The following CDH6 variants were observed in gnomAD, a reference collection of about 807,000 sequenced individuals.
CDH6 encodes the protein cadherin-6.
CDH6 carries 31 observed loss-of-function variants against 78.0 expected under a neutral mutation model. The observed-to-expected ratio is 0.40, with a 90% CI of 0.30 to 0.54. CDH6 has a LOEUF of 0.54. Ranked by LOEUF, CDH6 falls within the 20% of genes least tolerant of loss-of-function variation. CDH6 has a pLI of 0.56. For synonymous variants in CDH6, 376 were observed against 368.8 expected (o/e 1.02, Z -0.23); for missense variants, 724 against 975.9 (o/e 0.74, Z 3.44).
At chr5:31,236,491 T>C (rs1741458158) in intron 1 of CDH6, among the ~76,000 whole-genome samples, 1 of 152,216 alleles carries the variant, frequency 6.6e-6, no homozygotes, top group Admixed American at 6.5e-5. Context: ...ATCGTCTTAG[T>C]TCCCCAAGGT....
intron 6 of CDH6, 150 bp downstream of exon 6, chr5:31,302,448 C>A: frequency 4.9e-6 from 3 of 607,768 alleles, no homozygotes; most frequent in Non-Finnish European, 8.2e-6. Flanking sequence ...TCTGGCCGGG[C>A]ATGGTGGCTC....
rs369328947 is a variant in CDH6, at chr5:31,195,000, T to C, written c.-129+1114T>C. ...CTGTCAGTGCAAAGGGCTGGCCACC[T>C]GAGTTAACTATGACTCAGAACATTC... On this transcript the variant is annotated intron_variant, in intron 1 of 11. Transcript: ENST00000265071. Among the ~76,000 whole-genome samples, 28 of 152,134 alleles carry C rather than the reference T, an allele frequency of 1.8e-4. No homozygotes were observed. The South Asian group carries it at 5.8e-3, about 32-fold the overall frequency.
chr5:31,215,129 CTT>C (rs1740828271), intron 1 of CDH6, among the ~76,000 whole-genome samples: 2 of 152,166 alleles, frequency 1.3e-5, no homozygotes, highest in Non-Finnish European at 2.9e-5. Flanking sequence ...CTTTCTGACA[CTT>C]TGTTTATTGA....
At chr5:31,226,199 G>A (rs1741146491) in intron 1 of CDH6, among the ~76,000 whole-genome samples, 1 of 152,062 alleles carries the variant, frequency 6.6e-6, no homozygotes, top group Middle Eastern at 3.2e-3. Flanking sequence ...TTTTGAGATA[G>A]CATCTCACTC....
chr5:31,229,382 C>T (rs1259294001), intron 1 of CDH6, among the ~76,000 whole-genome samples: 1 of 152,170 alleles, frequency 6.6e-6, no homozygotes, highest in Non-Finnish European at 1.5e-5. Flanking sequence ...AGCATATTGC[C>T]TGTTATCTTT....
intron 1 of CDH6, among the ~76,000 whole-genome samples, chr5:31,237,482 C>G (rs1008827682): frequency 5.3e-5 from 8 of 152,098 alleles, no homozygotes; most frequent in Non-Finnish European, 5.9e-5. Context: ...AAGGCAGAGT[C>G]CAGTCTCTAT....
chr5:31,324,418 GA>G lies in CDH6; in HGVS notation c.*1113del, dbSNP rs1485765967. The G allele has an allele frequency of 1.4e-5, 3 of 214,978 alleles. No homozygotes were observed. The highest frequency in any genetic ancestry group is 2.8e-5 in the Non-Finnish European group (3 of 106,646). The allele number at this position is 214,978 out of a possible 1,614,324, so 13.3% of individuals were successfully genotyped here. ...CCTAATACCCTGCCCTTGACATCTG[GA>G]AACCTCTACATATTTATATAACGTG... On this transcript the variant is annotated 3_prime_UTR_variant, in exon 12 of 12. Coordinates refer to ENST00000265071, the MANE Select transcript of CDH6 (RefSeq NM_004932.4).
At position 31,323,722 on chromosome 5, in the gene CDH6, A is replaced by G. The variant is rs1381234799; in HGVS notation, c.*414A>G. The G allele has an allele frequency of 1.2e-5, 3 of 244,006 alleles. No homozygotes were observed. The highest frequency in any genetic ancestry group is 1.2e-4 in the East Asian group (2 of 17,290). The allele number at this position is 244,006 out of a possible 1,614,324, so 15.1% of individuals were successfully genotyped here. A position where few individuals can be genotyped will look rare whatever the true frequency, so the allele number is the denominator to read the frequency against. On this transcript the variant is annotated 3_prime_UTR_variant, in exon 12 of 12. Transcript: ENST00000265071. ...TTAAAGATAAAAATATCATCATAGT[A>G]AAAGAAATGAGGGCATATCGGCTCA...
Position 31,224,283 on chromosome 5 carries a change from T to C in CDH6, c.-129+30397T>C, listed in dbSNP as rs1360942028. ...ATCTCATGAGACTTATTCACTATCG[T>C]GAGAAGAGCACAAGAAATACCTGCC... On this transcript the variant is annotated intron_variant, in intron 1 of 11. Coordinates refer to ENST00000265071, the MANE Select transcript of CDH6 (RefSeq NM_004932.4). 6.6e-5 allele frequency among the ~76,000 whole-genome samples: 10 copies of C among 152,198 alleles called. No individual in the cohort carries two copies. The South Asian group carries it at 8.3e-4, about 13-fold the overall frequency.
At chr5:31,299,704 C>A in intron 5 of CDH6, 73 bp downstream of exon 5, 11 of 1,306,812 alleles carry the variant, frequency 8.4e-6, no homozygotes, top group Non-Finnish European at 1.1e-5. Flanking sequence ...TTTTTATTTT[C>A]CATTGTCATC....
intron 1 of CDH6, among the ~76,000 whole-genome samples, chr5:31,257,231 C>G (rs763211428): frequency 6.6e-6 from 1 of 152,172 alleles, no homozygotes; most frequent in South Asian, 2.1e-4. Flanking sequence ...GGCGCGATCT[C>G]GGCTCACTGC....
At chr5:31,282,278 A>T (rs1742883404) in intron 2 of CDH6, among the ~76,000 whole-genome samples, 1 of 152,098 alleles carries the variant, frequency 6.6e-6, no homozygotes, top group East Asian at 1.9e-4. Flanking sequence ...TCAGGGAAGG[A>T]TCCATTTCCC....
At chr5:31,233,853 A>G (rs1198739235) in intron 1 of CDH6, among the ~76,000 whole-genome samples, 2 of 152,186 alleles carry the variant, frequency 1.3e-5, no homozygotes, top group South Asian at 2.1e-4. Context: ...GGCCTCACCA[A>G]TGATTCAAAA....
chr5:31,313,683 A>C (rs1235352892), intron 8 of CDH6, among the ~76,000 whole-genome samples: 1 of 152,212 alleles, frequency 6.6e-6, no homozygotes, highest in Non-Finnish European at 1.5e-5. Flanking sequence ...ATAAAATGGG[A>C]ATGTATCTCA....
rs796173991 is a variant in CDH6 at position 31,325,511 on chromosome 5, A to G, written c.*2203A>G. 5.6e-5 allele frequency: 13 copies of G among 231,206 alleles called. No homozygotes were observed. Among genetic ancestry groups the G allele is most frequent in the African/African-American group, 2.9e-4 (13 of 45,400 alleles). 14.3% of individuals were successfully genotyped at this position (231,206 alleles called of 1,614,324 possible). A position where few individuals can be genotyped will look rare whatever the true frequency, so the allele number is the denominator to read the frequency against. ...ATCACACGATTTACTGTAAAATTAA[A>G]GAGGTCTCTATCTGTATGTTTCATG... On this transcript the variant is annotated 3_prime_UTR_variant, in exon 12 of 12. Transcript: ENST00000265071.
chr5:31,224,868 AAATT>A (rs1227889007), intron 1 of CDH6, among the ~76,000 whole-genome samples: 34 of 152,196 alleles, frequency 2.2e-4, no homozygotes, highest in African/African-American at 7.7e-4. Flanking sequence ...TAGCCTTTAT[AAATT>A]AACATGTAAT....
intron 7 of CDH6, among the ~76,000 whole-genome samples, chr5:31,310,686 T>C (rs1485437813): frequency 6.6e-6 from 1 of 152,212 alleles, no homozygotes; most frequent in African/African-American, 2.4e-5. Flanking sequence ...AAACCTCAAC[T>C]TCTTGCCTTC....
intron 2 of CDH6, among the ~76,000 whole-genome samples, chr5:31,282,932 C>T (rs1742901004): frequency 6.6e-6 from 1 of 151,098 alleles, no homozygotes; most frequent in East Asian, 2.0e-4. Context: ...ATACAGATCC[C>T]TTATGGTATT....
intron 1 of CDH6, among the ~76,000 whole-genome samples, chr5:31,264,102 A>G (rs1017658972): frequency 1.2e-4 from 19 of 152,240 alleles, no homozygotes; most frequent in African/African-American, 4.6e-4. Context: ...CACTACTGTT[A>G]AATGCTGAAT....
Sources: gnomAD v4.1 joint callset for allele counts (sites outside exome capture counted in the v4.1 genomes callset) on GRCh38, gnomAD v4.1.1 for gene constraint, MANE v1.5 for transcripts, NCBI Gene and HGNC (gene_info 2026-07-23, HGNC 2026-07-21) for gene names.